The following CHAF1B variants were observed in gnomAD, a reference collection of about 807,000 sequenced individuals.
CHAF1B encodes chromatin assembly factor 1 subunit B.
A neutral mutation model predicts 60.7 loss-of-function variants in CHAF1B; 10 were observed. That is an observed-to-expected ratio of 0.16 (90% CI 0.10 to 0.28). CHAF1B has a LOEUF of 0.28. CHAF1B is among the 10% of genes least tolerant of loss of function. The probability of loss-of-function intolerance (pLI) is 1.00; values close to 1 mark genes in which losing one functional copy is unlikely to be tolerated. For missense variants in CHAF1B, 558 were observed against 708.4 expected, an observed-to-expected ratio of 0.79 and a Z score of 2.41; for synonymous variants, 261 against 266.1, an observed-to-expected ratio of 0.98 and a Z score of 0.19.
intron 13 of CHAF1B, 28 bp downstream of exon 13, chr21:36,415,417 T>C (rs751977092): frequency 3.0e-6 from 4 of 1,335,318 alleles, no homozygotes; most frequent in Admixed American, 1.8e-5. Flanking sequence ...TGGTTTAATA[T>C]AATGAAAGGT....
rs187492125 is a variant in CHAF1B, at chr21:36,388,515, G to A, written c.259+785G>A. ...AGACAGTCTCACTGTTATCTAGGCTGGAGTGCAGTGGCACAATCTTGGCTC... is the reference window on the plus strand; with the variant it reads ...AGACAGTCTCACTGTTATCTAGGCTAGAGTGCAGTGGCACAATCTTGGCTC... On this transcript the variant is annotated intron_variant, in intron 3 of 13. Coordinates refer to ENST00000314103, the MANE Select transcript of CHAF1B (RefSeq NM_005441.3). Among the ~76,000 whole-genome samples the A allele has an allele frequency of 1.8e-3, 264 of 142,976 alleles. 5 individuals carry two copies. Among genetic ancestry groups the A allele is most frequent in the Non-Finnish European group, 2.3e-4 (15 of 66,658 alleles). 93.8% of individuals were successfully genotyped at this position (142,976 alleles called of 152,430 possible).
In CHAF1B at chr21:36,416,500, C is replaced by A. The variant is rs2086321084; in HGVS notation, c.*134C>A. ...AAATGGATTTCTATAACAGAAGTGA[C>A]ATGTGTACTGATTTTTCTCCAGAAA... is the stretch of plus-strand genomic sequence containing the variant. On this transcript the variant is annotated 3_prime_UTR_variant, in exon 14 of 14. Coordinates refer to ENST00000314103, the MANE Select transcript of CHAF1B (RefSeq NM_005441.3). The A allele has an allele frequency of 1.7e-6, 1 of 588,180 alleles. No individual in the cohort carries two copies. The highest frequency in any genetic ancestry group is 1.8e-5 in the African/African-American group (1 of 54,338). 36.4% of individuals were successfully genotyped at this position (588,180 alleles called of 1,614,324 possible).
At chr21:36,394,771 G>A (rs973754844) in intron 5 of CHAF1B, 121 bp downstream of exon 5, 38 of 601,104 alleles carry the variant, frequency 6.3e-5, no homozygotes, top group African/African-American at 1.5e-4. Flanking sequence ...TCACTCTGCC[G>A]CCCAGGCTGG....
At chr21:36,403,721 G>A (rs938262091) in intron 8 of CHAF1B, among the ~76,000 whole-genome samples, 1 of 152,216 alleles carries the variant, frequency 6.6e-6, no homozygotes, top group South Asian at 2.1e-4. Flanking sequence ...CCCTAGGAAG[G>A]CAAGGGGCTC....
intron 3 of CHAF1B, among the ~76,000 whole-genome samples, chr21:36,389,457 T>A (rs1181718767): frequency 6.6e-6 from 1 of 151,732 alleles, no homozygotes; most frequent in Non-Finnish European, 1.5e-5. Context: ...AATACAAAAA[T>A]TAGCTGGGCA....
At chr21:36,391,727 T>A in intron 4 of CHAF1B, 59 bp downstream of exon 4, 1 of 1,115,696 alleles carries the variant, frequency 9.0e-7, no homozygotes, top group Non-Finnish European at 1.4e-6. Context: ...TTAAATGGAA[T>A]ATACCTTTTG....
rs1409328931 is a variant in CHAF1B at position 36,386,122 on chromosome 21, T to G, written c.-15T>G. The G allele has an allele frequency of 6.2e-7, 1 of 1,613,802 alleles. No individual in the cohort carries two copies. Among genetic ancestry groups the G allele is most frequent in the Non-Finnish European group, 8.5e-7 (1 of 1,179,854 alleles). ...GGTGCCCGAGAAACGTTTTTCCCCT[T>G]CGAGACTCAGGAGGATGAAAGTCAT... On this transcript the variant is annotated 5_prime_UTR_variant, in exon 2 of 14. Transcript: ENST00000314103.
At chr21:36,405,678 G>A (rs996492763) in intron 8 of CHAF1B, among the ~76,000 whole-genome samples, 5 of 151,884 alleles carry the variant, frequency 3.3e-5, no homozygotes, top group Non-Finnish European at 5.9e-5. Context: ...CACCCCTTCC[G>A]CCTCGGCCTC....
chr21:36,397,470 G>A lies in CHAF1B; in HGVS notation c.537G>A (p.Trp179Ter), dbSNP rs1445717865. The A allele has an allele frequency of 6.4e-7, 1 of 1,568,562 alleles. No homozygotes were observed. Among genetic ancestry groups the A allele is most frequent in the Admixed American group, 1.7e-5 (1 of 57,854 alleles). ...AAAGTTATGTCCAAGGAGTAACCTGGGACCCTTTGGGTCAATATGTTGCTA... is the reference window on the plus strand; with the variant it reads ...AAAGTTATGTCCAAGGAGTAACCTGAGACCCTTTGGGTCAATATGTTGCTA... ...EHKSYVQGVTWDPLGQYVATL... is the reference protein window; with the variant it reads ...EHKSYVQGVT Residue 179 changes from tryptophan to a stop codon, truncating the protein, a stop_gained, in exon 6 of 14, where the codon TGG (tryptophan) becomes TGA (stop). Transcript: ENST00000314103. LOFTEE classifies it high-confidence loss of function.
chr21:36,394,657 G>T lies in CHAF1B; in HGVS notation c.481+7G>T, dbSNP rs1226507214. On this transcript the variant is annotated splice_region_variant and intron_variant, in intron 5 of 13. Transcript: ENST00000314103. ...ATATGGGATGTCAGCAAAGGTAAAT[G>T]ATATATTTTTGTTATTAGCAGGAAG... The T allele has an allele frequency of 1.5e-5, 23 of 1,574,284 alleles. No individual in the cohort carries two copies. The highest frequency in any genetic ancestry group is 2.0e-5 in the Non-Finnish European group (23 of 1,151,974).
At chr21:36,387,470 C>A in intron 2 of CHAF1B, 128 bp from the exon 3 acceptor site, 1 of 1,154,974 alleles carries the variant, frequency 8.7e-7, no homozygotes, top group Non-Finnish European at 1.3e-6. Context: ...ATTTACCCAC[C>A]TTGGCCTCCT....
At chr21:36,394,391 G>A (rs1451763502) in intron 4 of CHAF1B, among the ~76,000 whole-genome samples, 156 bp from the exon 5 acceptor site, 1 of 151,808 alleles carries the variant, frequency 6.6e-6, no homozygotes, top group Non-Finnish European at 1.5e-5. Flanking sequence ...TGTATTTTGA[G>A]TAGAGATGGG....
intron 11 of CHAF1B, among the ~76,000 whole-genome samples, chr21:36,412,044 A>G (rs760231668): frequency 6.6e-5 from 10 of 151,860 alleles, no homozygotes; most frequent in Non-Finnish European, 1.5e-4. Flanking sequence ...TTGTTTTTTA[A>G]AGGAATCAAC....
At chr21:36,394,706 G>T in intron 5 of CHAF1B, 56 bp downstream of exon 5, 1 of 1,091,888 alleles carries the variant, frequency 9.2e-7, no homozygotes. Flanking sequence ...ATCTATAAAA[G>T]CCTAAAAGTC....
Position 36,418,001 on chromosome 21 carries a change from C to CAG in CHAF1B, c.*1636_*1637insGA, listed in dbSNP as rs2086331467. 6.6e-6 allele frequency: 1 copy of CAG among 151,914 alleles called. No individual in the cohort carries two copies. The highest frequency in any genetic ancestry group is 1.5e-5 in the Non-Finnish European group (1 of 68,002). 9.4% of individuals were successfully genotyped at this position (151,914 alleles called of 1,614,324 possible). A position where few individuals can be genotyped will look rare whatever the true frequency, so the allele number is the denominator to read the frequency against. On this transcript the variant is annotated 3_prime_UTR_variant, in exon 14 of 14. Transcript: ENST00000314103. Reference sequence around the variant, plus strand: ...GGATACGGTCTGTTCTGGTTAAATGCATTTCCACTGAAAGCATTTTTTTTT... The same window carrying CAG: ...GGATACGGTCTGTTCTGGTTAAATGCAGATTTCCACTGAAAGCATTTTTTTTT...
chr21:36,402,539 T>TTTCA (rs2086199813), intron 7 of CHAF1B, among the ~76,000 whole-genome samples: 1 of 152,218 alleles, frequency 6.6e-6, no homozygotes, highest in African/African-American at 2.4e-5. Flanking sequence ...TTCATGAATG[T>TTTCA]TTACCCTTGC....
In CHAF1B at chr21:36,386,128, C is replaced by T; in HGVS notation, c.-9C>T. On this transcript the variant is annotated 5_prime_UTR_variant, in exon 2 of 14. Coordinates refer to ENST00000314103, the MANE Select transcript of CHAF1B (RefSeq NM_005441.3). ...CGAGAAACGTTTTTCCCCTTCGAGA[C>T]TCAGGAGGATGAAAGTCATCACTTG... The T allele has an allele frequency of 6.2e-7, 1 of 1,614,010 alleles. No individual in the cohort carries two copies. Among genetic ancestry groups the T allele is most frequent in the Non-Finnish European group, 8.5e-7 (1 of 1,179,950 alleles).
chr21:36,413,305 A>T lies in CHAF1B; in HGVS notation c.1483A>T (p.Thr495Ser). 6.4e-7 allele frequency: 1 copy of T among 1,572,690 alleles called. No individual in the cohort carries two copies. The highest frequency in any genetic ancestry group is 1.2e-5 in the South Asian group (1 of 86,214). The change falls in exon 12 of 14, where the codon ACA becomes TCA. Residue 495 changes from threonine (T) to serine (S), a missense_variant. Coordinates refer to ENST00000314103, the MANE Select transcript of CHAF1B (RefSeq NM_005441.3). ...TLNTLQAWSK[T>S]TPRRINLTPL... The stretch of plus-strand genomic sequence containing the variant: ...GAACACACTGCAAGCCTGGAGCAAG[A>T]CAACACCCCGGTAAGAACTTGTTGG...
chr21:36,413,403 A>G, intron 12 of CHAF1B, 88 bp downstream of exon 12: 4 of 1,306,650 alleles, frequency 3.1e-6, no homozygotes, highest in South Asian at 3.0e-5. Context: ...GTGAAATTTC[A>G]GGCGGTGAAT....
Sources: gnomAD v4.1 joint callset for allele counts (sites outside exome capture counted in the v4.1 genomes callset) on GRCh38, gnomAD v4.1.1 for gene constraint, MANE v1.5 for transcripts, NCBI Gene and HGNC (gene_info 2026-07-23, HGNC 2026-07-21) for gene names.